Variants in KLHL1 observed in about 807,000 individuals in gnomAD.
KLHL1 encodes kelch like family member 1, also known as kelch-like protein 1.
Under a neutral mutation model 77.7 loss-of-function variants are expected in KLHL1, and 47 were observed. The ratio of observed to expected loss-of-function variants is 0.60; its 90% CI spans 0.48 to 0.77. The LOEUF is 0.77. Among genes scored for constraint, KLHL1 ranks in the 30% least tolerant of loss-of-function variants. The probability of loss-of-function intolerance (pLI) is 0.00; values close to 1 mark genes in which losing one functional copy is unlikely to be tolerated. For missense variants in KLHL1, 925 were observed against 910.8 expected (o/e 1.02, Z -0.20); for synonymous variants, 360 against 325.2 (o/e 1.11, Z -1.15).
At chr13:69,706,720 T>A (rs183801368) in intron 10 of KLHL1, among the ~76,000 whole-genome samples, 292 of 152,044 alleles carry the variant, frequency 1.9e-3, no homozygotes, top group African/African-American at 6.6e-3. Flanking sequence ...ATAGAAATAT[T>A]GAGAGATTTG....
chr13:69,968,678 C>T (rs1385024787), intron 2 of KLHL1, among the ~76,000 whole-genome samples: 1 of 152,056 alleles, frequency 6.6e-6, no homozygotes, highest in Non-Finnish European at 1.5e-5. Flanking sequence ...AAAGGACAGA[C>T]TGCAGAATGG....
intron 4 of KLHL1, among the ~76,000 whole-genome samples, chr13:69,928,072 C>A (rs999652701): frequency 1.3e-5 from 2 of 152,172 alleles, no homozygotes; most frequent in Non-Finnish European, 2.9e-5. Context: ...ACATACTAAC[C>A]ATTGGCACCC....
chr13:70,084,395 A>C (rs2137433634), intron 1 of KLHL1, among the ~76,000 whole-genome samples: 1 of 152,024 alleles, frequency 6.6e-6, no homozygotes, highest in South Asian at 2.1e-4. Flanking sequence ...TAAAAGTGAA[A>C]GCATGAAATA....
chr13:70,091,114 T>TA (rs1049433497), intron 1 of KLHL1, among the ~76,000 whole-genome samples: 11 of 151,888 alleles, frequency 7.2e-5, no homozygotes, highest in Non-Finnish European at 1.5e-4. Flanking sequence ...TGAATAGGAG[T>TA]ATTCTGTTTT....
intron 9 of KLHL1, among the ~76,000 whole-genome samples, chr13:69,716,129 C>T (rs1876110536): frequency 6.6e-6 from 1 of 152,110 alleles, no homozygotes; most frequent in Non-Finnish European, 1.5e-5. Flanking sequence ...TCCACCTCAA[C>T]ATCCACCCAT....
chr13:69,911,787 T>A (rs1882248100), intron 4 of KLHL1, among the ~76,000 whole-genome samples: 1 of 152,136 alleles, frequency 6.6e-6, no homozygotes, highest in South Asian at 2.1e-4. Context: ...ACCCAGTTCT[T>A]TTCTATTGTA....
At chr13:69,988,097 G>A (rs956666334) in intron 1 of KLHL1, among the ~76,000 whole-genome samples, 1 of 151,440 alleles carries the variant, frequency 6.6e-6, no homozygotes, top group African/African-American at 2.4e-5. Flanking sequence ...TTTGGCGGGG[G>A]GAACCTCTCC....
In KLHL1 at chr13:69,782,338, G is replaced by T. The variant is rs146857914; in HGVS notation, c.1639+14400C>A. ...CGCAGGTCAGTGGGTGCAGCGCACC[G>T]TGTGCTAGCCGAAGCAGGGCAAGGC... On this transcript the variant is annotated intron_variant, in intron 7 of 10. Coordinates refer to ENST00000377844, the MANE Select transcript of KLHL1 (RefSeq NM_020866.3). 9.8e-5 allele frequency among the ~76,000 whole-genome samples: 15 copies of T among 152,312 alleles called. No individual in the cohort carries two copies. In the East Asian group the frequency reaches 2.7e-3, roughly 28 times the overall value.
intron 1 of KLHL1, among the ~76,000 whole-genome samples, chr13:70,025,927 C>A (rs1254132033): frequency 6.6e-6 from 1 of 151,964 alleles, no homozygotes; most frequent in African/African-American, 2.4e-5. Flanking sequence ...AAGCAGCAAT[C>A]CCCAAAGCAT....
intron 1 of KLHL1, among the ~76,000 whole-genome samples, chr13:70,090,476 G>GA (rs138937966): frequency 0.15 from 21,823 of 147,514 alleles, 2,513 homozygotes; most frequent in African/African-American, 0.32. Flanking sequence ...AAGGTTTATT[G>GA]AAAAAAAAAA....
chr13:69,778,092 A>C (rs1441639294), intron 7 of KLHL1, among the ~76,000 whole-genome samples: 2 of 152,072 alleles, frequency 1.3e-5, no homozygotes, highest in South Asian at 4.1e-4. Context: ...GCACTAAAGA[A>C]GATAGTAAAA....
chr13:69,960,289 G>T (rs1217917110), intron 3 of KLHL1, among the ~76,000 whole-genome samples: 1 of 90,370 alleles, frequency 1.1e-5, no homozygotes, highest in Non-Finnish European at 2.5e-5. Context: ...TAGCAGAAAT[G>T]CTGTAAAAAA....
chr13:69,922,552 A>G (rs1160258842), intron 4 of KLHL1, among the ~76,000 whole-genome samples: 1 of 152,220 alleles, frequency 6.6e-6, no homozygotes, highest in Non-Finnish European at 1.5e-5. Flanking sequence ...ATTTGGATTT[A>G]AGGAAAGTAA....
At chr13:69,787,404 T>G (rs963794047) in intron 7 of KLHL1, among the ~76,000 whole-genome samples, 52 of 152,106 alleles carry the variant, frequency 3.4e-4, no homozygotes. Flanking sequence ...AAACAAGCAA[T>G]GGGGAAAGGA....
chr13:69,899,924 G>A (rs1881797833), intron 4 of KLHL1, among the ~76,000 whole-genome samples: 1 of 151,946 alleles, frequency 6.6e-6, no homozygotes, highest in South Asian at 2.1e-4. Flanking sequence ...CCCACAAGCA[G>A]AGGACCATGA....
intron 7 of KLHL1, among the ~76,000 whole-genome samples, chr13:69,789,273 T>G (rs1469877711): frequency 6.6e-6 from 1 of 151,692 alleles, no homozygotes; most frequent in Non-Finnish European, 1.5e-5. Flanking sequence ...ATTTTACATG[T>G]CTGTCTGTCT....
At chr13:69,857,751 T>G (rs1879977942) in intron 5 of KLHL1, among the ~76,000 whole-genome samples, 2 of 151,920 alleles carry the variant, frequency 1.3e-5, no homozygotes, top group South Asian at 4.1e-4. Flanking sequence ...TAATATAATT[T>G]TAATATTTGG....
intron 1 of KLHL1, among the ~76,000 whole-genome samples, chr13:70,084,962 G>T (rs772848436): frequency 1.3e-5 from 2 of 152,084 alleles, no homozygotes; most frequent in Admixed American, 6.6e-5. Flanking sequence ...ATGTAGGAGA[G>T]TTCAATTCAG....
chr13:69,810,000 C>A (rs11148829), intron 6 of KLHL1, among the ~76,000 whole-genome samples: 49,050 of 151,622 alleles, frequency 0.32, 8,055 homozygotes, highest in South Asian at 0.35. Flanking sequence ...CTCAACTATT[C>A]TAAATATATA....
Sources: allele counts gnomAD v4.1 joint callset (sites outside exome capture counted in the v4.1 genomes callset), GRCh38; gene constraint gnomAD v4.1.1; transcripts MANE v1.5; gene names NCBI Gene and HGNC (gene_info 2026-07-23, HGNC 2026-07-21).